NCOA2: variants seen among roughly 807,000 people sequenced by gnomAD.
NCOA2 encodes class E basic helix-loop-helix protein 75.
A neutral mutation model predicts 145.1 loss-of-function variants in NCOA2; 21 were observed. The ratio of observed to expected loss-of-function variants is 0.14; its 90% CI spans 0.10 to 0.21. The LOEUF is 0.21. Ranked by LOEUF, NCOA2 falls within the 10% of genes least tolerant of loss-of-function variation. The pLI is 1.00. For synonymous variants in NCOA2, 619 were observed against 637.5 expected, an observed-to-expected ratio of 0.97 and a Z score of 0.44; for missense variants, 1,472 against 1,837.6, an observed-to-expected ratio of 0.80 and a Z score of 3.64.
the NCOA2 span, among the ~76,000 whole-genome samples, chr8:70,454,558 A>G: frequency 2.6e-5 from 4 of 152,134 alleles, no homozygotes; most frequent in Non-Finnish European, 5.9e-5. Context: ...ACACAAGCAG[A>G]CTCCAATTTT....
chr8:70,204,400 C>G (rs1818228803), intron 4 of NCOA2, among the ~76,000 whole-genome samples: 1 of 152,154 alleles, frequency 6.6e-6, no homozygotes, highest in Non-Finnish European at 1.5e-5. Flanking sequence ...TTATCAGAAT[C>G]TAAGAGAGTT....
At chr8:70,370,059 AT>A (rs1811074992) in intron 1 of NCOA2, among the ~76,000 whole-genome samples, 1 of 151,612 alleles carries the variant, frequency 6.6e-6, no homozygotes, top group African/African-American at 2.4e-5. Flanking sequence ...CTACTTTTTT[AT>A]TTTTTTGTAT....
At chr8:70,370,650 A>C (rs979682888) in intron 1 of NCOA2, among the ~76,000 whole-genome samples, 1 of 152,216 alleles carries the variant, frequency 6.6e-6, no homozygotes, top group African/African-American at 2.4e-5. Context: ...ATGTAAGAAA[A>C]ATAATGAATT....
the NCOA2 span, among the ~76,000 whole-genome samples, chr8:70,438,731 T>C: frequency 6.6e-6 from 1 of 152,256 alleles, no homozygotes; most frequent in Non-Finnish European, 1.5e-5. Context: ...GATCTGGGAA[T>C]AAATAACACT....
At chr8:70,252,099 TG>T (rs1476662492) in intron 2 of NCOA2, among the ~76,000 whole-genome samples, 4 of 152,366 alleles carry the variant, frequency 2.6e-5, no homozygotes, top group African/African-American at 9.6e-5. Context: ...CTATTTTTAT[TG>T]GTTTTTAAAA....
intron 11 of NCOA2, among the ~76,000 whole-genome samples, chr8:70,151,665 T>A (rs978194275): frequency 3.3e-5 from 5 of 152,208 alleles, no homozygotes; most frequent in African/African-American, 1.2e-4. Flanking sequence ...GGCTTAAAAC[T>A]ATGAACACTA....
the NCOA2 span, among the ~76,000 whole-genome samples, chr8:70,435,318 G>C: frequency 6.7e-6 from 1 of 148,854 alleles, no homozygotes; most frequent in Non-Finnish European, 1.5e-5. Flanking sequence ...CCAGCTACTC[G>C]GGAGGCTGAG....
Position 70,207,884 on chromosome 8 carries a change from A to G in NCOA2, c.259+6019T>C, listed in dbSNP as rs535463320. On this transcript the variant is annotated intron_variant, in intron 4 of 22. Transcript: ENST00000452400. ...CCTCAAAAAAAAAAAAAAAAAAAAA[A>G]AAGAAGAAGAAGAAGAAGAAAAGAA... is the stretch of plus-strand genomic sequence containing the variant. 8.8e-3 allele frequency among the ~76,000 whole-genome samples: 1,263 copies of G among 144,250 alleles called. 21 individuals carry two copies. The highest frequency in any genetic ancestry group is 0.029 in the African/African-American group (1,133 of 39,568). 94.6% of individuals were successfully genotyped at this position (144,250 alleles called of 152,430 possible).
At chr8:70,284,003 C>T (rs531207193) in intron 2 of NCOA2, among the ~76,000 whole-genome samples, 2 of 152,310 alleles carry the variant, frequency 1.3e-5, no homozygotes, top group East Asian at 1.9e-4. Context: ...AAGTATTCCT[C>T]TTGAATAAAT....
intron 2 of NCOA2, among the ~76,000 whole-genome samples, chr8:70,258,557 A>C (rs1285745593): frequency 6.6e-6 from 1 of 152,038 alleles, no homozygotes; most frequent in Non-Finnish European, 1.5e-5. Context: ...TTTTTCTCTC[A>C]ATCTTCAAAT....
intron 2 of NCOA2, among the ~76,000 whole-genome samples, chr8:70,221,701 T>C (rs982023936): frequency 6.6e-6 from 1 of 152,210 alleles, no homozygotes; most frequent in African/African-American, 2.4e-5. Context: ...CTGGCAACAG[T>C]TGAATAAATA....
upstream of NCOA2, among the ~76,000 whole-genome samples, chr8:70,404,607 G>C (rs1814682690): frequency 6.6e-6 from 1 of 152,258 alleles, no homozygotes. Context: ...GACTGTGGGA[G>C]CTGGAAGGGG....
At chr8:70,249,937 T>C (rs1439704082) in intron 2 of NCOA2, among the ~76,000 whole-genome samples, 1 of 108,292 alleles carries the variant, frequency 9.2e-6, no homozygotes, top group Non-Finnish European at 1.7e-5. Flanking sequence ...CACTCCAGCC[T>C]AGGCAACAGA....
At chr8:70,213,106 A>C (rs1489850378) in intron 4 of NCOA2, among the ~76,000 whole-genome samples, 10 of 151,420 alleles carry the variant, frequency 6.6e-5, no homozygotes, top group African/African-American at 2.4e-4. Context: ...AAAAAAAAAA[A>C]AAAAAACCAC....
chr8:70,286,390 CAT>C (rs1241391532), intron 2 of NCOA2, among the ~76,000 whole-genome samples: 1 of 152,134 alleles, frequency 6.6e-6, no homozygotes, highest in African/African-American at 2.4e-5. Flanking sequence ...AGGAAATATA[CAT>C]ATATATTTCC....
At chr8:70,123,832 GA>G in intron 21 of NCOA2, 51 bp downstream of exon 21, 2 of 1,463,314 alleles carry the variant, frequency 1.4e-6, no homozygotes, top group East Asian at 2.4e-5. Flanking sequence ...TGCAGAAGTA[GA>G]AAAAAAGCCG....
At chr8:70,159,232 ATATATATATATTT>A (rs1563544412) in intron 10 of NCOA2, among the ~76,000 whole-genome samples, 2 of 52,114 alleles carry the variant, frequency 3.8e-5, no homozygotes, top group African/African-American at 1.8e-4. Flanking sequence ...TTATATATAT[ATATATATATATTT>A]TTTTTTTTTT....
At chr8:70,351,942 G>A (rs1252499192) in intron 1 of NCOA2, among the ~76,000 whole-genome samples, 5 of 151,184 alleles carry the variant, frequency 3.3e-5, no homozygotes, top group Non-Finnish European at 7.4e-5. Context: ...TTAATTTCTA[G>A]TTTACATCTT....
intron 10 of NCOA2, among the ~76,000 whole-genome samples, chr8:70,158,015 T>A (rs1368374411): frequency 6.6e-6 from 1 of 152,242 alleles, no homozygotes; most frequent in Non-Finnish European, 1.5e-5. Flanking sequence ...GAGCTTTAAT[T>A]TACAGCCTTG....
Sources: gnomAD v4.1 joint callset for allele counts (sites outside exome capture counted in the v4.1 genomes callset) on GRCh38, gnomAD v4.1.1 for gene constraint, MANE v1.5 for transcripts, NCBI Gene and HGNC (gene_info 2026-07-23, HGNC 2026-07-21) for gene names.